Variants in PTPRE observed in about 807,000 individuals in gnomAD.
The protein encoded by PTPRE is receptor-type tyrosine-protein phosphatase epsilon.
A neutral mutation model predicts 102.0 loss-of-function variants in PTPRE; 51 were observed. That is an observed-to-expected ratio of 0.50 (90% CI 0.40 to 0.63). The LOEUF (loss-of-function observed/expected upper bound fraction) is 0.63, where lower values mean the gene tolerates loss of function less well. Ranked by LOEUF, PTPRE falls within the 30% of genes least tolerant of loss-of-function variation. The probability of loss-of-function intolerance (pLI) is 0.00; values close to 1 mark genes in which losing one functional copy is unlikely to be tolerated. For missense variants in PTPRE, 752 were observed against 915.1 expected (o/e 0.82, Z 2.30); for synonymous variants, 345 against 348.2 (o/e 0.99, Z 0.10).
At chr10:128,001,808 G>T (rs1039256318) in intron 2 of PTPRE, among the ~76,000 whole-genome samples, 35 of 152,214 alleles carry the variant, frequency 2.3e-4, no homozygotes, top group African/African-American at 8.4e-4. Context: ...CCACATGTTA[G>T]CTGGGCAAAC....
chr10:127,964,720 T>C (rs1850107450), intron 1 of PTPRE: 1 of 216,816 alleles, frequency 4.6e-6, no homozygotes, highest in Non-Finnish European at 9.4e-6. Flanking sequence ...AGACACAGGT[T>C]GGTGATATTT....
intron 1 of PTPRE, among the ~76,000 whole-genome samples, chr10:127,932,372 G>A (rs539564144): frequency 2.6e-5 from 4 of 152,204 alleles, no homozygotes; most frequent in Admixed American, 6.5e-5. Flanking sequence ...GCAAACTTAC[G>A]TTAAGTGCTT....
At chr10:127,940,951 AG>A (rs1848203282) in intron 1 of PTPRE, among the ~76,000 whole-genome samples, 1 of 152,224 alleles carries the variant, frequency 6.6e-6, no homozygotes, top group African/African-American at 2.4e-5. Flanking sequence ...GGTAGTGTCC[AG>A]AAAATGCTTG....
At chr10:127,955,832 T>C (rs1020136459) in intron 1 of PTPRE, among the ~76,000 whole-genome samples, 7 of 152,106 alleles carry the variant, frequency 4.6e-5, no homozygotes, top group Non-Finnish European at 8.8e-5. Flanking sequence ...TGGAGGAAGA[T>C]GAAGGGGAAG....
chr10:128,011,929 C>G (rs946058928), intron 2 of PTPRE, among the ~76,000 whole-genome samples: 1 of 152,198 alleles, frequency 6.6e-6, no homozygotes, highest in East Asian at 1.9e-4. Flanking sequence ...ATCCTAAGGG[C>G]GGAAACTGTC....
At chr10:127,987,902 G>T (rs1852232083) in intron 2 of PTPRE, among the ~76,000 whole-genome samples, 1 of 152,226 alleles carries the variant, frequency 6.6e-6, no homozygotes, top group Admixed American at 6.5e-5. Flanking sequence ...AGGCCAATGA[G>T]CAGGTCTTCA....
In PTPRE at chr10:127,981,931, G is replaced by A. The variant is rs60087108; in HGVS notation, c.-30-343G>A. Among the ~76,000 whole-genome samples, 9 of 152,298 alleles carry A rather than the reference G, an allele frequency of 5.9e-5. No individual in the cohort carries two copies. In the South Asian group the frequency reaches 1.5e-3, roughly 25 times the overall value. On this transcript the variant is annotated intron_variant, in intron 1 of 20. Transcript: ENST00000254667. ...AGACCAGGTTGTAAAAGGCTCTTCT[G>A]GGGGGAGGATGGGCTAAAGGAACTA...
At chr10:128,043,942 A>G (rs564963918) in intron 3 of PTPRE, among the ~76,000 whole-genome samples, 1 of 152,294 alleles carries the variant, frequency 6.6e-6, no homozygotes, top group Admixed American at 6.5e-5. Context: ...GTGTCTTAAA[A>G]TTGGTAGCAC....
At position 128,028,837 on chromosome 10, in the gene PTPRE, G is replaced by C. The variant is rs1216723337; in HGVS notation, c.-7-12038G>C. ...TGGCCACTCACTTCCACCCTGCCCC[G>C]GCCCAGCCCTGGCCACCCCAGACGT... On this transcript the variant is annotated intron_variant, in intron 2 of 20. Transcript: ENST00000254667. The surrounding 1 kb of genome is among the most constrained non-coding windows in gnomAD (Gnocchi z 4.5). 6.6e-6 allele frequency among the ~76,000 whole-genome samples: 1 copy of C among 152,114 alleles called. No individual in the cohort carries two copies. The highest frequency in any genetic ancestry group is 6.6e-5 in the Admixed American group (1 of 15,262).
In PTPRE at chr10:128,056,339, A is replaced by G; in HGVS notation, c.511+126A>G. 1.6e-5 allele frequency: 12 copies of G among 748,030 alleles called. 1 individual carries two copies. The South Asian group carries it at 1.9e-4, about 12-fold the overall frequency. The allele number at this position is 748,030 out of a possible 1,614,324, so 46.3% of individuals were successfully genotyped here. ...AGGCCCCAAATCAGTCTAACTGCTC[A>G]GCATTTGCACCTAGGACTCCAGAAC... is the stretch of plus-strand genomic sequence containing the variant. On this transcript the variant is annotated intron_variant, in intron 7 of 20. Coordinates refer to ENST00000254667, the MANE Select transcript of PTPRE (RefSeq NM_006504.6).
At chr10:127,941,894 C>T (rs2135294643) in intron 1 of PTPRE, among the ~76,000 whole-genome samples, 1 of 152,232 alleles carries the variant, frequency 6.6e-6, no homozygotes, top group East Asian at 1.9e-4. Flanking sequence ...GAGGGCTGGG[C>T]CCAGGGCAGA....
intron 1 of PTPRE, among the ~76,000 whole-genome samples, chr10:127,910,505 C>G (rs1463108712): frequency 6.6e-6 from 1 of 152,212 alleles, no homozygotes; most frequent in Non-Finnish European, 1.5e-5. Context: ...TTTATCTCCT[C>G]CACTAGGCAG....
chr10:127,959,204 C>T (rs1291223840), intron 1 of PTPRE, among the ~76,000 whole-genome samples: 1 of 152,186 alleles, frequency 6.6e-6, no homozygotes, highest in Non-Finnish European at 1.5e-5. Flanking sequence ...CTGAAATTGC[C>T]TATTTTCTTT....
intron 6 of PTPRE, among the ~76,000 whole-genome samples, chr10:128,054,026 C>G (rs567154453): frequency 6.6e-6 from 1 of 152,296 alleles, no homozygotes; most frequent in East Asian, 1.9e-4. Flanking sequence ...TTCCAAAGTG[C>G]TGGGATTACA....
At chr10:127,958,525 T>C (rs1043552342) in intron 1 of PTPRE, among the ~76,000 whole-genome samples, 2 of 152,222 alleles carry the variant, frequency 1.3e-5, no homozygotes. Context: ...GAATCAACCT[T>C]TTATACATGG....
intron 1 of PTPRE, among the ~76,000 whole-genome samples, chr10:127,917,177 C>A (rs752756932): frequency 7.3e-5 from 11 of 151,350 alleles, no homozygotes; most frequent in Non-Finnish European, 1.5e-4. Context: ...GCATCCGGAC[C>A]AGACACAGGC....
At chr10:127,988,462 T>C (rs1415738046) in intron 2 of PTPRE, among the ~76,000 whole-genome samples, 1 of 152,160 alleles carries the variant, frequency 6.6e-6, no homozygotes, top group Admixed American at 6.5e-5. Flanking sequence ...CCTGTCACCA[T>C]GCCCAGCTAA....
At chr10:127,914,938 A>G (rs1203387823) in intron 1 of PTPRE, among the ~76,000 whole-genome samples, 2 of 152,174 alleles carry the variant, frequency 1.3e-5, no homozygotes, top group East Asian at 1.9e-4. Context: ...TCAGACCCAA[A>G]CACTCTGAAT....
intron 1 of PTPRE, among the ~76,000 whole-genome samples, chr10:127,913,053 T>G (rs1373638369): frequency 6.6e-6 from 1 of 152,198 alleles, no homozygotes; most frequent in Admixed American, 6.5e-5. Context: ...AGACTGAGGC[T>G]CTGGACAAGG....
Sources: gnomAD v4.1 joint callset for allele counts (sites outside exome capture counted in the v4.1 genomes callset) on GRCh38, gnomAD v4.1.1 for gene constraint, Gnocchi (gnomAD v3.1) non-coding constraint, MANE v1.5 for transcripts, NCBI Gene and HGNC (gene_info 2026-07-23, HGNC 2026-07-21) for gene names.